MVB12B: variants seen among roughly 807,000 people sequenced by gnomAD.
MVB12B encodes ESCRT-I complex subunit MVB12B.
MVB12B carries 16 observed loss-of-function variants against 41.6 expected under a neutral mutation model. That is an observed-to-expected ratio of 0.38 (90% CI 0.26 to 0.58). The LOEUF is 0.58. Ranked by LOEUF, MVB12B falls within the 20% of genes least tolerant of loss-of-function variation. The probability of loss-of-function intolerance (pLI) is 0.62; values close to 1 mark genes in which losing one functional copy is unlikely to be tolerated. For missense variants in MVB12B, 274 were observed against 380.2 expected, an observed-to-expected ratio of 0.72 and a Z score of 2.32; for synonymous variants, 133 against 139.7, an observed-to-expected ratio of 0.95 and a Z score of 0.34.
intron 7 of MVB12B, among the ~76,000 whole-genome samples, chr9:126,472,469 C>CAAAA (rs35537694): frequency 4.4e-5 from 6 of 135,202 alleles, no homozygotes; most frequent in Admixed American, 2.2e-4. Flanking sequence ...GGTCAGCTGG[C>CAAAA]AAAAAAAAAA....
At chr9:126,381,585 C>A (rs905068154) in intron 3 of MVB12B, among the ~76,000 whole-genome samples, 1 of 152,060 alleles carries the variant, frequency 6.6e-6, no homozygotes, top group African/African-American at 2.4e-5. Flanking sequence ...TCCACAGTGA[C>A]GTTTCCTCGC....
intron 9 of MVB12B, among the ~76,000 whole-genome samples, chr9:126,500,453 C>T (rs1321313200): frequency 1.3e-5 from 2 of 152,154 alleles, no homozygotes; most frequent in Non-Finnish European, 2.9e-5. Context: ...CCCTCTCTGC[C>T]CATCCATGTC....
intron 1 of MVB12B, among the ~76,000 whole-genome samples, chr9:126,334,537 G>A (rs1204052454): frequency 6.6e-6 from 1 of 152,222 alleles, no homozygotes; most frequent in Non-Finnish European, 1.5e-5. Flanking sequence ...TACTGTATGA[G>A]CACCGTGCCC....
At chr9:126,328,456 TG>T (rs546793867) in intron 1 of MVB12B, among the ~76,000 whole-genome samples, 9 of 152,204 alleles carry the variant, frequency 5.9e-5, no homozygotes, top group Non-Finnish European at 1.2e-4. Context: ...CCAACTGGAA[TG>T]TTGTGCCATG....
intron 7 of MVB12B, among the ~76,000 whole-genome samples, chr9:126,464,265 A>T (rs187577424): frequency 1.5e-4 from 23 of 152,314 alleles, no homozygotes; most frequent in African/African-American, 5.5e-4. Flanking sequence ...GTTCACAAGC[A>T]GGTATATAGG....
Position 126,391,926 on chromosome 9 carries a change from C to T in MVB12B, c.410-140C>T. ...GCCCCGGGGAAGGCAGGCGGCAGAG[C>T]GCAGCCCTTCTGTCCAGCAGCTTAG... On this transcript the variant is annotated intron_variant, in intron 4 of 9. Transcript: ENST00000361171. The surrounding 1 kb of genome is among the most constrained non-coding windows in gnomAD (Gnocchi z 4.4). 7.1e-6 allele frequency: 7 copies of T among 984,462 alleles called. No homozygotes were observed. In the East Asian group the frequency reaches 1.2e-4, roughly 17 times the overall value. 61.0% of individuals were successfully genotyped at this position (984,462 alleles called of 1,614,324 possible).
chr9:126,399,644 A>C (rs1453381918), intron 6 of MVB12B, among the ~76,000 whole-genome samples: 1 of 152,182 alleles, frequency 6.6e-6, no homozygotes. Flanking sequence ...GAAGAGCCCC[A>C]GGAGGCAGGT....
chr9:126,331,248 A>G (rs1348956973), intron 1 of MVB12B, among the ~76,000 whole-genome samples: 1 of 152,200 alleles, frequency 6.6e-6, no homozygotes, highest in African/African-American at 2.4e-5. Context: ...AGAGTTTCCA[A>G]TCTCTTCACA....
intron 7 of MVB12B, among the ~76,000 whole-genome samples, chr9:126,450,747 T>G (rs747424546): frequency 1.3e-5 from 2 of 152,174 alleles, no homozygotes; most frequent in Non-Finnish European, 2.9e-5. Flanking sequence ...AACCAAGGCA[T>G]AGAGAGCTCA....
chr9:126,481,233 G>A, intron 7 of MVB12B, 136 bp from the exon 8 acceptor site: 1 of 766,422 alleles, frequency 1.3e-6, no homozygotes, highest in South Asian at 1.6e-5. Context: ...CATAGCTCCA[G>A]CACATCTGTG....
At chr9:126,413,849 T>TGTGTGTGTGC (rs1554776184) in intron 6 of MVB12B, among the ~76,000 whole-genome samples, 50,632 of 148,300 alleles carry the variant, frequency 0.34, 9,080 homozygotes, top group Non-Finnish European at 0.39. Flanking sequence ...TGTGTGTGTG[T>TGTGTGTGTGC]GTGTATAAGG....
At chr9:126,491,888 C>G (rs1833738985) in intron 9 of MVB12B, among the ~76,000 whole-genome samples, 1 of 152,140 alleles carries the variant, frequency 6.6e-6, no homozygotes, top group South Asian at 2.1e-4. Context: ...CGTCTGACCA[C>G]AGCGCAGGAA....
At chr9:126,406,043 T>G (rs1381556752) in intron 6 of MVB12B, among the ~76,000 whole-genome samples, 3 of 151,180 alleles carry the variant, frequency 2.0e-5, no homozygotes, top group Non-Finnish European at 2.9e-5. Context: ...GTTTTGGTTT[T>G]GTGGGGGGTT....
intron 2 of MVB12B, among the ~76,000 whole-genome samples, chr9:126,364,341 C>G (rs1450411015): frequency 6.6e-6 from 1 of 152,184 alleles, no homozygotes; most frequent in African/African-American, 2.4e-5. Flanking sequence ...AATCCCATCA[C>G]TTCAACTCTT....
At position 126,434,459 on chromosome 9, in the gene MVB12B, C is replaced by T. The variant is rs140018398; in HGVS notation, c.757+12511C>T. Among the ~76,000 whole-genome samples the T allele has an allele frequency of 3.9e-5, 6 of 152,270 alleles. No individual in the cohort carries two copies. In the East Asian group the frequency reaches 1.2e-3, roughly 29 times the overall value. On this transcript the variant is annotated intron_variant, in intron 7 of 9. Coordinates refer to ENST00000361171, the MANE Select transcript of MVB12B (RefSeq NM_033446.3). The stretch of plus-strand genomic sequence containing the variant: ...TTATAGCATGAACGATCGCATGATC[C>T]ACTGGCGAGGCAACATCCATAATTT...
At position 126,478,129 on chromosome 9, in the gene MVB12B, G is replaced by A. The variant is rs1203908882; in HGVS notation, c.758-3240G>A. Among the ~76,000 whole-genome samples the A allele has an allele frequency of 1.3e-5, 2 of 152,218 alleles. No individual in the cohort carries two copies. Among genetic ancestry groups the A allele is most frequent in the African/African-American group, 4.8e-5 (2 of 41,456 alleles). On this transcript the variant is annotated intron_variant, in intron 7 of 9. Transcript: ENST00000361171. This position sits in a 1 kb window ranked among gnomAD's most constrained non-coding sequence, Gnocchi z 4.2. ...CATTGTGAATGTTCTAAATGCCACTGAATTGTTCACTTTAAAATGGTTAAT... is the reference window on the plus strand; with the variant it reads ...CATTGTGAATGTTCTAAATGCCACTAAATTGTTCACTTTAAAATGGTTAAT...
intron 7 of MVB12B, among the ~76,000 whole-genome samples, chr9:126,422,283 G>A (rs1404876194): frequency 2.6e-5 from 4 of 152,136 alleles, no homozygotes; most frequent in Admixed American, 6.5e-5. Flanking sequence ...GAGCAGCGCC[G>A]AGCTGAGCCC....
intron 7 of MVB12B, among the ~76,000 whole-genome samples, chr9:126,427,964 T>A (rs1237998918): frequency 6.6e-6 from 1 of 152,140 alleles, no homozygotes; most frequent in Non-Finnish European, 1.5e-5. Flanking sequence ...TTCTTTTTTT[T>A]TTTTTGCTTT....
chr9:126,407,831 G>A (rs1347157147), intron 6 of MVB12B, among the ~76,000 whole-genome samples: 4 of 152,120 alleles, frequency 2.6e-5, no homozygotes, highest in Non-Finnish European at 5.9e-5. Context: ...AAGAAAGAAA[G>A]ATTTTTCTCA....
Sources: allele counts gnomAD v4.1 joint callset (sites outside exome capture counted in the v4.1 genomes callset), GRCh38; gene constraint gnomAD v4.1.1; non-coding constraint Gnocchi (gnomAD v3.1); transcripts MANE v1.5; gene names NCBI Gene and HGNC (gene_info 2026-07-23, HGNC 2026-07-21).